Variants in ZBTB20 observed in about 807,000 individuals in gnomAD.
The protein encoded by ZBTB20 is zinc finger and BTB domain-containing protein 20.
Under a neutral mutation model 56.9 loss-of-function variants are expected in ZBTB20, and 9 were observed. The ratio of observed to expected loss-of-function variants is 0.16; its 90% confidence interval spans 0.10 to 0.28. ZBTB20 has a LOEUF of 0.28. ZBTB20 is among the 10% of genes least tolerant of loss of function. The probability of loss-of-function intolerance (pLI) is 1.00; values close to 1 mark genes in which losing one functional copy is unlikely to be tolerated. For missense variants in ZBTB20, 655 were observed against 1,003.0 expected (o/e 0.65, Z 4.69); for synonymous variants, 417 against 420.7 (o/e 0.99, Z 0.11).
chr3:114,472,930 C>T (rs1023578561), intron 7 of ZBTB20, among the ~76,000 whole-genome samples: 1 of 152,186 alleles, frequency 6.6e-6, no homozygotes, highest in Non-Finnish European at 1.5e-5. Context: ...AATAGCTCAC[C>T]TGTTGGACTG....
chr3:114,716,956 TAAACAAAACA>T (rs904575186), intron 5 of ZBTB20, among the ~76,000 whole-genome samples: 6 of 151,944 alleles, frequency 3.9e-5, no homozygotes, highest in South Asian at 4.2e-4. Context: ...TCCAGGAGAA[TAAACAAAACA>T]AAACAAAACA....
intron 7 of ZBTB20, among the ~76,000 whole-genome samples, chr3:114,495,522 G>T (rs1403899637): frequency 6.6e-6 from 1 of 152,010 alleles, no homozygotes; most frequent in Non-Finnish European, 1.5e-5. Flanking sequence ...ACTTAAATCT[G>T]TCTTGTGCTG....
chr3:114,748,198 C>T (rs1293676539), intron 5 of ZBTB20, among the ~76,000 whole-genome samples: 1 of 152,034 alleles, frequency 6.6e-6, no homozygotes, highest in Non-Finnish European at 1.5e-5. Flanking sequence ...TTCAAAGACC[C>T]AGAATCTTAA....
intron 3 of ZBTB20, among the ~76,000 whole-genome samples, chr3:114,913,852 T>G (rs916114719): frequency 6.6e-6 from 1 of 151,982 alleles, no homozygotes; most frequent in Admixed American, 6.6e-5. Context: ...CTTTCCCCAA[T>G]GTATGTTCTT....
intron 5 of ZBTB20, among the ~76,000 whole-genome samples, chr3:114,750,279 G>A (rs1365890922): frequency 3.3e-5 from 5 of 152,104 alleles, no homozygotes; most frequent in East Asian, 3.9e-4. Flanking sequence ...AAAGCAACAC[G>A]GAGAAGAAAT....
At chr3:114,826,188 G>C (rs2073514770) in intron 4 of ZBTB20, among the ~76,000 whole-genome samples, 1 of 151,658 alleles carries the variant, frequency 6.6e-6, no homozygotes, top group Non-Finnish European at 1.5e-5. Context: ...CCAAGACTGA[G>C]AGTATAGTAA....
intron 1 of ZBTB20, among the ~76,000 whole-genome samples, chr3:115,124,212 C>T (rs113541153): frequency 4.5e-4 from 69 of 152,174 alleles, no homozygotes; most frequent in African/African-American, 1.6e-3. Flanking sequence ...ATGTTTTATG[C>T]TTTGTTAAAT....
At chr3:114,624,380 C>T (rs961052833) in intron 6 of ZBTB20, among the ~76,000 whole-genome samples, 1 of 151,864 alleles carries the variant, frequency 6.6e-6, no homozygotes, top group African/African-American at 2.4e-5. Context: ...AAACCCATCC[C>T]GTCCTGCCAG....
intron 8 of ZBTB20, chr3:114,388,391 G>C (rs1443906240): frequency 1.3e-5 from 2 of 152,050 alleles, no homozygotes; most frequent in Admixed American, 6.6e-5. Context: ...ACTTTTCCTT[G>C]CAAGGTCTCT....
intron 1 of ZBTB20, among the ~76,000 whole-genome samples, chr3:115,119,385 A>G (rs1401991237): frequency 2.6e-5 from 4 of 152,232 alleles, no homozygotes; most frequent in African/African-American, 4.8e-5. Context: ...TGATGATTAA[A>G]TAAGATAATT....
At chr3:114,726,355 C>A (rs910381960) in intron 5 of ZBTB20, among the ~76,000 whole-genome samples, 12 of 152,042 alleles carry the variant, frequency 7.9e-5, no homozygotes, top group African/African-American at 2.9e-4. Flanking sequence ...GTTCTGGATT[C>A]CAAAAATCAC....
intron 1 of ZBTB20, among the ~76,000 whole-genome samples, chr3:115,099,142 C>G (rs1018430106): frequency 1.3e-5 from 2 of 151,994 alleles, no homozygotes; most frequent in Non-Finnish European, 2.9e-5. Context: ...TGAAATGTAA[C>G]TTTTCCCACT....
At chr3:115,032,764 A>C (rs1223088615) in intron 2 of ZBTB20, among the ~76,000 whole-genome samples, 1 of 151,362 alleles carries the variant, frequency 6.6e-6, no homozygotes, top group Non-Finnish European at 1.5e-5. Context: ...ACATACTCTT[A>C]AACAAAGGAT....
chr3:114,465,071 T>C (rs1459423073), intron 7 of ZBTB20, among the ~76,000 whole-genome samples: 2 of 138,854 alleles, frequency 1.4e-5, no homozygotes. Context: ...TAAATTCTTG[T>C]ACTTAAAAAA....
intron 7 of ZBTB20, among the ~76,000 whole-genome samples, chr3:114,470,760 A>T (rs1420849404): frequency 1.3e-5 from 2 of 152,012 alleles, no homozygotes; most frequent in East Asian, 3.9e-4. Context: ...GAAGAAAAAA[A>T]CTCCTTCCTG....
At chr3:114,838,545 A>C (rs1340288615) in intron 4 of ZBTB20, among the ~76,000 whole-genome samples, 1 of 151,634 alleles carries the variant, frequency 6.6e-6, no homozygotes, top group Non-Finnish European at 1.5e-5. Flanking sequence ...CCATGGTGTG[A>C]CTGGGGGGGG....
chr3:114,975,300 G>C (rs1406495527), intron 2 of ZBTB20, among the ~76,000 whole-genome samples: 1 of 152,108 alleles, frequency 6.6e-6, no homozygotes, highest in Non-Finnish European at 1.5e-5. Context: ...TGATGACCTT[G>C]ATGCCACATT....
rs571607020 is a variant in ZBTB20 at position 114,849,345 on chromosome 3, T to C, written c.-416-48171A>G. On this transcript the variant is annotated intron_variant, in intron 4 of 11. Transcript: ENST00000675478. Reference sequence around the variant, plus strand: ...TGATACTTTATGTGACTCTATTCTATACAACTGTTTTTAAATTCAAGATAA... The same window carrying C: ...TGATACTTTATGTGACTCTATTCTACACAACTGTTTTTAAATTCAAGATAA... Among the ~76,000 whole-genome samples the C allele has an allele frequency of 3.3e-5, 5 of 152,234 alleles. No homozygotes were observed. In the South Asian group the frequency reaches 1.0e-3, roughly 32 times the overall value.
At chr3:114,575,506 A>AT (rs1465146213) in intron 6 of ZBTB20, among the ~76,000 whole-genome samples, 3 of 152,128 alleles carry the variant, frequency 2.0e-5, no homozygotes, top group African/African-American at 7.2e-5. Context: ...AATCATATCA[A>AT]TAAAAAATCC....
Sources: allele counts gnomAD v4.1 joint callset (sites outside exome capture counted in the v4.1 genomes callset), GRCh38; gene constraint gnomAD v4.1.1; transcripts MANE v1.5; gene names NCBI Gene and HGNC (gene_info 2026-07-23, HGNC 2026-07-21).